PGAP4: variants seen among roughly 807,000 people sequenced by gnomAD.
PGAP4 encodes post-GPI attachment to proteins GalNAc transferase 4.
Under a neutral mutation model 28.2 loss-of-function variants are expected in PGAP4, and 12 were observed. The observed-to-expected ratio is 0.42, with a 90% CI of 0.27 to 0.69. PGAP4 has a LOEUF of 0.69. Among genes scored for constraint, PGAP4 ranks in the 30% least tolerant of loss-of-function variants. The pLI is 0.22. For synonymous variants in PGAP4, 205 were observed against 211.8 expected (o/e 0.97, Z 0.28); for missense variants, 425 against 513.5 (o/e 0.83, Z 1.67).
At chr9:101,519,373 G>C (rs935304695) in intron 2 of PGAP4, among the ~76,000 whole-genome samples, 13 of 152,068 alleles carry the variant, frequency 8.5e-5, no homozygotes, top group African/African-American at 2.7e-4. Context: ...TGCCCAGGCT[G>C]GTCTTGAACT....
chr9:101,503,394 A>T (rs1826820217), intron 2 of PGAP4, among the ~76,000 whole-genome samples: 1 of 151,998 alleles, frequency 6.6e-6, no homozygotes, highest in Non-Finnish European at 1.5e-5. Context: ...ATATGCTATT[A>T]AACAATCCAA....
At chr9:101,512,580 A>G (rs1826906641) in intron 2 of PGAP4, among the ~76,000 whole-genome samples, 1 of 152,158 alleles carries the variant, frequency 6.6e-6, no homozygotes. Context: ...AAATTGGTTG[A>G]AATTTTGTTT....
At chr9:101,495,712 A>G (rs1435049617) in intron 2 of PGAP4, among the ~76,000 whole-genome samples, 1 of 150,694 alleles carries the variant, frequency 6.6e-6, no homozygotes, top group Non-Finnish European at 1.5e-5. Flanking sequence ...TATTTTTTTT[A>G]CATCCATGTA....
At chr9:101,506,847 A>G (rs978254679) in intron 2 of PGAP4, among the ~76,000 whole-genome samples, 2 of 152,062 alleles carry the variant, frequency 1.3e-5, no homozygotes, top group African/African-American at 4.8e-5. Context: ...TCATGTACCA[A>G]TCCTTGTAAC....
At chr9:101,481,805 C>T (rs186243702) in intron 1 of PGAP4, among the ~76,000 whole-genome samples, 14 of 152,210 alleles carry the variant, frequency 9.2e-5, no homozygotes, top group Non-Finnish European at 4.4e-5. Flanking sequence ...AATGGCACGA[C>T]CACTTTCCCA....
chr9:101,507,794 T>C (rs1370011096), intron 2 of PGAP4, among the ~76,000 whole-genome samples: 5 of 152,126 alleles, frequency 3.3e-5, no homozygotes, highest in Admixed American at 3.3e-4. Flanking sequence ...CATACCCAAA[T>C]TGCCTTAAAG....
chr9:101,492,860 C>T (rs1826703597), intron 2 of PGAP4, among the ~76,000 whole-genome samples: 1 of 152,054 alleles, frequency 6.6e-6, no homozygotes, highest in South Asian at 2.1e-4. Context: ...CTAAACTCCC[C>T]CTTAAACTGC....
intron 2 of PGAP4, among the ~76,000 whole-genome samples, chr9:101,521,908 G>A (rs1826991478): frequency 6.6e-6 from 1 of 152,022 alleles, no homozygotes; most frequent in African/African-American, 2.4e-5. Context: ...TTGATAGATT[G>A]TGTCATTATT....
At chr9:101,495,509 T>G (rs1826738883) in intron 2 of PGAP4, among the ~76,000 whole-genome samples, 1 of 141,156 alleles carries the variant, frequency 7.1e-6, no homozygotes, top group African/African-American at 2.6e-5. Context: ...AACTGGAAAA[T>G]TTTAAAGTTA....
In PGAP4 at chr9:101,475,894, G is replaced by A. The variant is rs948888571; in HGVS notation, c.1199C>T (p.Pro400Leu). 7 of 1,614,036 alleles carry A rather than the reference G, an allele frequency of 4.3e-6. No individual in the cohort carries two copies. Among genetic ancestry groups the A allele is most frequent in the Non-Finnish European group, 5.9e-6 (7 of 1,179,936 alleles). The change falls in exon 2 of 2, where the codon CCC (proline) becomes CTC (leucine). Residue 400 changes from proline to leucine, a missense_variant. Pro to Leu is a moderately conservative substitution (Grantham distance 98). Coordinates refer to ENST00000374848, the MANE Select transcript of PGAP4 (RefSeq NM_032342.3). ...LFSSLRYNFHPSLL is the reference protein window; with the variant it reads ...LFSSLRYNFHLSLL ...TCTCTTGGCACCCTAGAGGAGACTG[G>A]GATGAAAGTTGTACCGGAGACTGGA...
rs1185325541 is a variant in PGAP4 at position 101,486,017 on chromosome 9, A to C, written c.-78+932T>G. ...TAATGGTCCGCATGGTGAGATCATC[A>C]TTGGAGCCGCCCTGCGGTCCCCCGG... On this transcript the variant is annotated intron_variant, in intron 1 of 1. Transcript: ENST00000374848. The surrounding 1 kb of genome is among the most constrained non-coding windows in gnomAD (Gnocchi z 4.7). 1.3e-5 allele frequency among the ~76,000 whole-genome samples: 2 copies of C among 152,116 alleles called. No individual in the cohort carries two copies. The highest frequency in any genetic ancestry group is 3.9e-4 in the East Asian group (2 of 5,156).
At position 101,474,492 on chromosome 9, in the gene PGAP4, G is replaced by A. The variant is rs1929494; in HGVS notation, c.*1389C>T. The A allele has an allele frequency of 0.4, 60,276 of 152,082 alleles. 12,576 individuals are homozygous for A. The highest frequency in any genetic ancestry group is 0.5 in the South Asian group (2,428 of 4,818). 9.4% of individuals were successfully genotyped at this position (152,082 alleles called of 1,614,324 possible). A position where few individuals can be genotyped will look rare whatever the true frequency, so the allele number is the denominator to read the frequency against. ...TCTGATCTTAGAATAAGCTCATGAG[G>A]AGTCTCATTTCCAAGCTGGAGATCA... On this transcript the variant is annotated 3_prime_UTR_variant, in exon 2 of 2. Coordinates refer to ENST00000374848, the MANE Select transcript of PGAP4 (RefSeq NM_032342.3).
chr9:101,485,548 T>C (rs975334030), intron 1 of PGAP4, among the ~76,000 whole-genome samples: 4 of 152,032 alleles, frequency 2.6e-5, no homozygotes, highest in Non-Finnish European at 5.9e-5. Flanking sequence ...AACTGAAAAA[T>C]GGGCAGAAGA....
upstream of PGAP4, among the ~76,000 whole-genome samples, chr9:101,491,139 C>T (rs190001665): frequency 1.4e-4 from 22 of 152,166 alleles, no homozygotes; most frequent in East Asian, 4.1e-3. Context: ...TAAAATGGGT[C>T]CCCTGGGCAA....
chr9:101,508,372 A>C (rs1027907469), intron 2 of PGAP4, among the ~76,000 whole-genome samples: 2 of 152,118 alleles, frequency 1.3e-5, no homozygotes, highest in Admixed American at 1.3e-4. Context: ...GGAAACAAAA[A>C]GATTTCTTCA....
rs1428171863 is a variant in PGAP4 at position 101,473,899 on chromosome 9, TAA to T, written c.*1980_*1981del. ...AAGGAGTGGGATCTGAACATTGTAA[TAA>T]GTCATCTAGTAGCTCTGATCACTTT... On this transcript the variant is annotated 3_prime_UTR_variant, in exon 2 of 2. Transcript: ENST00000374848. The T allele has an allele frequency of 4.6e-5, 7 of 152,218 alleles. No homozygotes were observed. The highest frequency in any genetic ancestry group is 8.8e-5 in the Non-Finnish European group (6 of 68,082). The allele number at this position is 152,218 out of a possible 1,614,324, so 9.4% of individuals were successfully genotyped here.
intron 2 of PGAP4, among the ~76,000 whole-genome samples, chr9:101,523,617 A>ATCATT (rs1827006893): frequency 5.4e-5 from 1 of 18,358 alleles, no homozygotes; most frequent in Non-Finnish European, 9.9e-5. Context: ...CACTTCTTGT[A>ATCATT]TCTTTTTTTT....
intron 2 of PGAP4, among the ~76,000 whole-genome samples, chr9:101,529,838 G>A (rs1197568574): frequency 1.3e-5 from 2 of 152,234 alleles, no homozygotes; most frequent in Non-Finnish European, 2.9e-5. Context: ...TTCCTTAAAT[G>A]TGCCCAGATA....
chr9:101,524,138 T>C (rs1015268429), intron 2 of PGAP4, among the ~76,000 whole-genome samples: 34 of 150,292 alleles, frequency 2.3e-4, no homozygotes, highest in African/African-American at 8.3e-4. Flanking sequence ...CTGGTGGAGG[T>C]TGGGGGGCGG....
Sources: gnomAD v4.1 joint callset for allele counts (sites outside exome capture counted in the v4.1 genomes callset) on GRCh38, gnomAD v4.1.1 for gene constraint, Gnocchi (gnomAD v3.1) non-coding constraint, MANE v1.5 for transcripts, NCBI Gene and HGNC (gene_info 2026-07-23, HGNC 2026-07-21) for gene names.